Variants in PID1 observed in about 807,000 individuals in gnomAD.
The protein encoded by PID1 is phosphotyrosine interaction domain containing 1, also known as PTB-containing, cubilin and LRP1-interacting protein.
A neutral mutation model predicts 19.1 loss-of-function variants in PID1; 10 were observed. The ratio of observed to expected loss-of-function variants is 0.52; its 90% CI spans 0.32 to 0.89. The LOEUF (loss-of-function observed/expected upper bound fraction) is 0.89. Ranked by LOEUF, PID1 falls within the 40% of genes least tolerant of loss-of-function variation. The pLI, the probability that PID1 is intolerant of heterozygous loss-of-function variation, is 0.03. For missense variants in PID1, 248 were observed against 285.3 expected, an observed-to-expected ratio of 0.87 and a Z score of 0.94; for synonymous variants, 130 against 116.0, an observed-to-expected ratio of 1.12 and a Z score of -0.78.
chr2:229,149,250 G>C (rs1044961828), intron 2 of PID1, among the ~76,000 whole-genome samples: 1 of 152,034 alleles, frequency 6.6e-6, no homozygotes, highest in African/African-American at 2.4e-5. Context: ...ATTTTCATTT[G>C]TGTTAAGAAG....
chr2:229,097,721 A>G (rs967830948), intron 2 of PID1, among the ~76,000 whole-genome samples: 1 of 152,162 alleles, frequency 6.6e-6, no homozygotes, highest in Admixed American at 6.5e-5. Context: ...TGTAAGTGAC[A>G]CTTATAAATC....
intron 2 of PID1, among the ~76,000 whole-genome samples, chr2:229,068,446 A>T (rs1485094148): frequency 0.011 from 1 of 90 alleles, no homozygotes; most frequent in African/African-American, 0.029. Flanking sequence ...GTCTTCAACA[A>T]AAAAAAAAGG....
intron 2 of PID1, among the ~76,000 whole-genome samples, chr2:229,044,028 C>A (rs73998522): frequency 6.6e-6 from 1 of 152,076 alleles, no homozygotes; most frequent in African/African-American, 2.4e-5. Flanking sequence ...ATACAGAAAC[C>A]GTGACTCACA....
chr2:229,215,570 G>A (rs949714251), intron 1 of PID1, among the ~76,000 whole-genome samples: 1 of 152,154 alleles, frequency 6.6e-6, no homozygotes, highest in Non-Finnish European at 1.5e-5. Flanking sequence ...TGACCAAGCA[G>A]GTGCACCTGG....
chr2:229,140,085 A>T (rs2106179442), intron 2 of PID1, among the ~76,000 whole-genome samples: 1 of 152,294 alleles, frequency 6.6e-6, no homozygotes, highest in African/African-American at 2.4e-5. Flanking sequence ...CCAGGACCTC[A>T]TCCCCAAAGT....
chr2:229,059,031 G>A (rs1694159188), intron 2 of PID1, among the ~76,000 whole-genome samples: 1 of 152,096 alleles, frequency 6.6e-6, no homozygotes, highest in South Asian at 2.1e-4. Context: ...AAGTTATTTC[G>A]AGATTCTTGA....
intron 1 of PID1, among the ~76,000 whole-genome samples, chr2:229,212,127 G>A (rs1462028944): frequency 6.6e-6 from 1 of 152,030 alleles, no homozygotes; most frequent in Non-Finnish European, 1.5e-5. Context: ...CTTTTTCTCT[G>A]AATTTGCATT....
At position 229,026,101 on chromosome 2, in the gene PID1, T is replaced by G. The variant is rs1314285812; in HGVS notation, c.185A>C (p.Tyr62Ser). 2 of 1,612,292 alleles carry G rather than the reference T, an allele frequency of 1.2e-6. No homozygotes were observed. Among genetic ancestry groups the G allele is most frequent in the Non-Finnish European group, 1.7e-6 (2 of 1,178,532 alleles). ...GCCAGTGGTGGAGACTTTGCCCAGG[T>G]AGGTAACCTGCAGATGCAAGAGAGG... ...TRTHSGCKVT[Y>S]LGKVSTTGMQ... The change falls in exon 3 of 3, where the codon TAC becomes TCC. Residue 62 changes from tyrosine to serine, a missense_variant. Tyr to Ser is a moderately radical substitution (Grantham distance 144). Coordinates refer to ENST00000392055, the MANE Select transcript of PID1 (RefSeq NM_001100818.2).
chr2:229,131,480 C>T (rs149702509), intron 2 of PID1, among the ~76,000 whole-genome samples: 1 of 152,174 alleles, frequency 6.6e-6, no homozygotes, highest in Non-Finnish European at 1.5e-5. Flanking sequence ...ATCCACCCAT[C>T]TCAGCCTCCC....
intron 2 of PID1, among the ~76,000 whole-genome samples, chr2:229,143,131 G>A: frequency 6.7e-6 from 1 of 148,770 alleles, no homozygotes; most frequent in Non-Finnish European, 1.5e-5. Context: ...TCACTTATAG[G>A]TGGGAATTGA....
chr2:229,120,755 T>C (rs1695500218), intron 2 of PID1, among the ~76,000 whole-genome samples: 1 of 152,098 alleles, frequency 6.6e-6, no homozygotes, highest in Non-Finnish European at 1.5e-5. Context: ...GGTGTGGGCC[T>C]AGTGGGAGAT....
chr2:229,063,249 A>G (rs2106194705), intron 2 of PID1, among the ~76,000 whole-genome samples: 1 of 152,018 alleles, frequency 6.6e-6, no homozygotes, highest in Admixed American at 6.6e-5. Flanking sequence ...TTTTTGATGT[A>G]GGCATTTATT....
At chr2:229,124,573 A>G (rs1179312321) in intron 2 of PID1, among the ~76,000 whole-genome samples, 2 of 152,046 alleles carry the variant, frequency 1.3e-5, no homozygotes, top group African/African-American at 2.4e-5. Flanking sequence ...CACACTTCAT[A>G]TTTGCCTTTA....
intron 1 of PID1, among the ~76,000 whole-genome samples, chr2:229,261,480 C>G (rs1332743841): frequency 6.6e-6 from 1 of 152,222 alleles, no homozygotes; most frequent in African/African-American, 2.4e-5. Flanking sequence ...ATTCCGCTCT[C>G]ACCTGAGGAA....
At chr2:229,148,274 A>G (rs1164110834) in intron 2 of PID1, among the ~76,000 whole-genome samples, 1 of 152,248 alleles carries the variant, frequency 6.6e-6, no homozygotes, top group Non-Finnish European at 1.5e-5. Context: ...GAAGAAGTTT[A>G]CATTAAAACC....
intron 2 of PID1, among the ~76,000 whole-genome samples, chr2:229,049,136 C>A (rs886959732): frequency 6.6e-6 from 1 of 151,732 alleles, no homozygotes; most frequent in Non-Finnish European, 1.5e-5. Flanking sequence ...TCTTTCTTTC[C>A]AATAGCTACA....
intron 1 of PID1, among the ~76,000 whole-genome samples, chr2:229,255,175 A>T (rs1286007356): frequency 2.0e-5 from 3 of 152,206 alleles, no homozygotes; most frequent in African/African-American, 7.2e-5. Context: ...TGGAATGCAC[A>T]CAGCATCCGT....
chr2:229,252,244 G>T (rs1690172833), intron 1 of PID1, among the ~76,000 whole-genome samples: 1 of 152,232 alleles, frequency 6.6e-6, no homozygotes. Context: ...GAGGAAGAGA[G>T]AAGCAAGAAA....
intron 1 of PID1, among the ~76,000 whole-genome samples, chr2:229,165,285 T>G (rs1359956258): frequency 6.6e-6 from 1 of 152,154 alleles, no homozygotes; most frequent in Non-Finnish European, 1.5e-5. Flanking sequence ...AAAATTTAAA[T>G]GACCTAACAT....
Sources: gnomAD v4.1 joint callset for allele counts (sites outside exome capture counted in the v4.1 genomes callset) on GRCh38, gnomAD v4.1.1 for gene constraint, MANE v1.5 for transcripts, NCBI Gene and HGNC (gene_info 2026-07-23, HGNC 2026-07-21) for gene names.